Variants in GCNT2 observed in about 807,000 individuals in gnomAD.
The protein encoded by GCNT2 is N-acetyllactosaminide beta-1,6-N-acetylglucosaminyl-transferase.
In GCNT2, 34 loss-of-function variants were observed where a neutral mutation model predicts 34.2. That is an observed-to-expected ratio of 1.00 (90% CI 0.76 to 1.32). The LOEUF is 1.32. Among genes scored for constraint, GCNT2 ranks in the 40% most tolerant of loss-of-function variants. GCNT2 has a pLI of 0.00. For synonymous variants in GCNT2, 212 were observed against 188.0 expected (o/e 1.13, Z -1.04); for missense variants, 584 against 489.4 (o/e 1.19, Z -1.82).
chr6:10,563,777 A>AAAAATAT (rs1554130891), intron 3 of GCNT2, among the ~76,000 whole-genome samples: 1 of 24,708 alleles, frequency 4.0e-5, no homozygotes, highest in African/African-American at 1.3e-4. Context: ...AAAAAAAAAA[A>AAAAATAT]ATATATATAT....
intron 3 of GCNT2, among the ~76,000 whole-genome samples, chr6:10,555,284 G>T (rs962742082): frequency 1.3e-5 from 2 of 152,138 alleles, no homozygotes; most frequent in East Asian, 3.8e-4. Flanking sequence ...AAATTAGTTG[G>T]TGGGAAAGTG....
intron 3 of GCNT2, among the ~76,000 whole-genome samples, chr6:10,600,591 C>T (rs1300077696): frequency 6.6e-6 from 1 of 152,104 alleles, no homozygotes; most frequent in Non-Finnish European, 1.5e-5. Context: ...ACCTGTTCTC[C>T]ATCCCTGCTG....
At chr6:10,530,015 C>G in intron 3 of GCNT2, 179 bp downstream of exon 3, 2 of 603,320 alleles carry the variant, frequency 3.3e-6, no homozygotes, top group Non-Finnish European at 5.9e-6. Context: ...ATCACCCACT[C>G]TTGTGAACCG....
chr6:10,614,933 G>T (rs1199642323), intron 3 of GCNT2, among the ~76,000 whole-genome samples: 1 of 152,214 alleles, frequency 6.6e-6, no homozygotes, highest in Non-Finnish European at 1.5e-5. Context: ...CCTCTGCTCA[G>T]TGCAGCTTTT....
intron 1 of GCNT2, among the ~76,000 whole-genome samples, chr6:10,525,110 AC>A (rs1416440646): frequency 1.3e-5 from 2 of 152,094 alleles, no homozygotes; most frequent in African/African-American, 4.8e-5. Context: ...GTAGAAAGGA[AC>A]CCCTTTTTTT....
chr6:10,614,352 C>T (rs1431626907), intron 3 of GCNT2, among the ~76,000 whole-genome samples: 7 of 152,144 alleles, frequency 4.6e-5, no homozygotes, highest in Non-Finnish European at 1.0e-4. Flanking sequence ...AGAGGCCGGG[C>T]ACAGTGGCTC....
chr6:10,603,622 C>T (rs534284908), intron 3 of GCNT2, among the ~76,000 whole-genome samples: 48 of 150,768 alleles, frequency 3.2e-4, no homozygotes, highest in Non-Finnish European at 6.4e-4. Flanking sequence ...TTCAAGTGAT[C>T]GTTGTGCCTC....
chr6:10,572,606 C>T (rs35249748), intron 3 of GCNT2, among the ~76,000 whole-genome samples: 16,413 of 151,682 alleles, frequency 0.11, 1,189 homozygotes, highest in Middle Eastern at 0.18. Flanking sequence ...TAGTGGCGGG[C>T]GCCTGTAGTC....
At chr6:10,565,094 G>A (rs780177791) in intron 3 of GCNT2, among the ~76,000 whole-genome samples, 1 of 152,232 alleles carries the variant, frequency 6.6e-6, no homozygotes, top group African/African-American at 2.4e-5. Flanking sequence ...CCCAGGCAGA[G>A]GGAATAGGGA....
chr6:10,528,853 A>G lies in GCNT2; in HGVS notation c.-59A>G. Reference sequence around the variant, plus strand: ...AACCTGGAGAAAATGTAAGTTAAATATATCTACACTCTGATCCTATCTCAA... The same window carrying G: ...AACCTGGAGAAAATGTAAGTTAAATGTATCTACACTCTGATCCTATCTCAA... On this transcript the variant is annotated 5_prime_UTR_variant, in exon 3 of 5. The change creates a new upstream start codon in the 5' untranslated region. Coordinates refer to ENST00000495262, the MANE Select transcript of GCNT2 (RefSeq NM_145649.5). 7.4e-7 allele frequency: 1 copy of G among 1,342,880 alleles called. No individual in the cohort carries two copies. The highest frequency in any genetic ancestry group is 1.2e-5 in the South Asian group (1 of 85,660). The allele number at this position is 1,342,880 out of a possible 1,614,324, so 83.2% of individuals were successfully genotyped here. A position where few individuals can be genotyped will look rare whatever the true frequency, so the allele number is the denominator to read the frequency against.
intron 3 of GCNT2, among the ~76,000 whole-genome samples, chr6:10,547,125 CATA>C (rs1224135827): frequency 3.3e-5 from 5 of 152,110 alleles, no homozygotes; most frequent in Non-Finnish European, 7.4e-5. Flanking sequence ...TTTCCCAACC[CATA>C]ATATTTTGTA....
At position 10,537,913 on chromosome 6, in the gene GCNT2, A is replaced by C. The variant is rs1032099130; in HGVS notation, c.925+8077A>C. ...CTATGTCATGTGATTTCTTGAATAC[A>C]GTGCACTATAGAGTACAGTCTCAGT... On this transcript the variant is annotated intron_variant, in intron 3 of 4. Transcript: ENST00000495262. Among the ~76,000 whole-genome samples, 6 of 152,038 alleles carry C rather than the reference A, an allele frequency of 3.9e-5. No homozygotes were observed. The South Asian group carries it at 1.2e-3, about 32-fold the overall frequency.
chr6:10,569,844 C>CCTTCCTTTCTCTTT (rs1763462490), intron 3 of GCNT2, among the ~76,000 whole-genome samples: 1 of 150,216 alleles, frequency 6.7e-6, no homozygotes, highest in Admixed American at 6.6e-5. Flanking sequence ...TTCCTTCCTT[C>CCTTCCTTTCTCTTT]CTTTCTCTTT....
chr6:10,568,936 T>C (rs1373064536), intron 3 of GCNT2, among the ~76,000 whole-genome samples: 1 of 152,136 alleles, frequency 6.6e-6, no homozygotes, highest in Non-Finnish European at 1.5e-5. Context: ...CTGGTCTTAT[T>C]TTTTCCCAAT....
At chr6:10,551,912 C>G (rs558458709) in intron 3 of GCNT2, among the ~76,000 whole-genome samples, 2 of 152,050 alleles carry the variant, frequency 1.3e-5, no homozygotes, top group African/African-American at 4.8e-5. Context: ...TGCCCGCCAC[C>G]ATGCCCAGCT....
chr6:10,550,013 T>C (rs16870465), intron 3 of GCNT2, among the ~76,000 whole-genome samples: 4,192 of 152,278 alleles, frequency 0.028, 92 homozygotes, highest in African/African-American at 0.06. Flanking sequence ...TTTGAGTTCA[T>C]GTTTACTATG....
At position 10,528,864 on chromosome 6, in the gene GCNT2, C is replaced by G. The variant is rs1274220037; in HGVS notation, c.-48C>G. Reference sequence around the variant, plus strand: ...AATGTAAGTTAAATATATCTACACTCTGATCCTATCTCAAGAGAGAGATAT... The same window carrying G: ...AATGTAAGTTAAATATATCTACACTGTGATCCTATCTCAAGAGAGAGATAT... On this transcript the variant is annotated 5_prime_UTR_variant, in exon 3 of 5. Transcript: ENST00000495262. 3 of 1,401,982 alleles carry G rather than the reference C, an allele frequency of 2.1e-6. No homozygotes were observed. Among genetic ancestry groups the G allele is most frequent in the Non-Finnish European group, 3.0e-6 (3 of 987,870 alleles). 86.8% of individuals were successfully genotyped at this position (1,401,982 alleles called of 1,614,324 possible).
Position 10,628,508 on chromosome 6 carries a change from A to AC in GCNT2, c.*1903dup, listed in dbSNP as rs1766360627. The AC allele has an allele frequency of 6.6e-6, 1 of 152,142 alleles. No homozygotes were observed. Among genetic ancestry groups the AC allele is most frequent in the Non-Finnish European group, 1.5e-5 (1 of 68,032 alleles). The allele number at this position is 152,142 out of a possible 1,614,324, so 9.4% of individuals were successfully genotyped here. On this transcript the variant is annotated 3_prime_UTR_variant, in exon 5 of 5. Coordinates refer to ENST00000495262, the MANE Select transcript of GCNT2 (RefSeq NM_145649.5). ...GAACTCTTGAAGGCCACATGTGAAAACCTGTCACTTGCACAGAGGCCAGTC... is the reference window on the plus strand; with the variant it reads ...GAACTCTTGAAGGCCACATGTGAAAACCCTGTCACTTGCACAGAGGCCAGTC...
chr6:10,588,787 G>GA, intron 3 of GCNT2, among the ~76,000 whole-genome samples: 2 of 31,878 alleles, frequency 6.3e-5, no homozygotes, highest in Non-Finnish European at 1.5e-4. Context: ...TGTGTGTGAT[G>GA]TGTGTGTGTG....
Sources: allele counts gnomAD v4.1 joint callset (sites outside exome capture counted in the v4.1 genomes callset), GRCh38; gene constraint gnomAD v4.1.1; transcripts MANE v1.5; gene names NCBI Gene and HGNC (gene_info 2026-07-23, HGNC 2026-07-21).